The following KLRG1 variants were observed in gnomAD, a reference collection of about 807,000 sequenced individuals.
KLRG1 encodes the protein killer cell lectin like receptor G1.
KLRG1 carries 16 observed loss-of-function variants against 21.8 expected under a neutral mutation model. The ratio of observed to expected loss-of-function variants is 0.73; its 90% CI spans 0.50 to 1.11. The LOEUF is 1.11. Among genes scored for constraint, KLRG1 ranks in the 50% most tolerant of loss-of-function variants. KLRG1 has a pLI of 0.00. For missense variants in KLRG1, 173 were observed against 218.3 expected (o/e 0.79, Z 1.31); for synonymous variants, 69 against 75.9 (o/e 0.91, Z 0.47).
chr12:9,048,273 T>C, the KLRG1 span, among the ~76,000 whole-genome samples: 1 of 152,136 alleles, frequency 6.6e-6, no homozygotes, highest in African/African-American at 2.4e-5. Context: ...AAATGACATA[T>C]AGGCCCAAGA....
At chr12:8,959,976 C>G (rs186278919) in intron 1 of KLRG1, among the ~76,000 whole-genome samples, 1 of 152,138 alleles carries the variant, frequency 6.6e-6, no homozygotes, top group Non-Finnish European at 1.5e-5. Flanking sequence ...AGTTTAATAT[C>G]TATTTTCAGA....
At chr12:9,149,262 G>A in the KLRG1 span, among the ~76,000 whole-genome samples, 3 of 152,238 alleles carry the variant, frequency 2.0e-5, no homozygotes, top group Non-Finnish European at 4.4e-5. Flanking sequence ...TTTTAGGTGT[G>A]TGATTAGTTG....
chr12:9,203,310 G>A, the KLRG1 span, among the ~76,000 whole-genome samples: 1 of 145,980 alleles, frequency 6.9e-6, no homozygotes, highest in Non-Finnish European at 1.5e-5. Flanking sequence ...ACTATTTTTA[G>A]TCCTTTCTGA....
the KLRG1 span, among the ~76,000 whole-genome samples, chr12:9,163,138 G>A: frequency 6.6e-6 from 1 of 152,008 alleles, no homozygotes; most frequent in African/African-American, 2.4e-5. Context: ...AAGCTAATGG[G>A]TATGAGAGAT....
intron 3 of KLRG1, among the ~76,000 whole-genome samples, chr12:9,000,797 T>G (rs1947284367): frequency 6.6e-6 from 1 of 152,234 alleles, no homozygotes; most frequent in African/African-American, 2.4e-5. Context: ...ACCTTTTGAC[T>G]GTTGAGAGTA....
chr12:9,092,366 G>C, the KLRG1 span, among the ~76,000 whole-genome samples: 5 of 152,168 alleles, frequency 3.3e-5, no homozygotes, highest in African/African-American at 1.2e-4. Flanking sequence ...AGTGAACACA[G>C]AGGTGGTTTT....
chr12:9,203,628 A>C, the KLRG1 span: 1 of 980,260 alleles, frequency 1.0e-6, no homozygotes, highest in Admixed American at 2.7e-5. Context: ...GGCGTGAGCC[A>C]CCGCACCTGG....
chr12:9,175,511 T>G, the KLRG1 span, among the ~76,000 whole-genome samples: 9 of 152,012 alleles, frequency 5.9e-5, no homozygotes, highest in Middle Eastern at 3.2e-3. Context: ...GAACTATCAT[T>G]AGAGTGAACA....
intron 1 of KLRG1, among the ~76,000 whole-genome samples, chr12:8,967,241 C>T (rs1020540185): frequency 3.3e-5 from 5 of 150,600 alleles, no homozygotes; most frequent in Non-Finnish European, 7.4e-5. Flanking sequence ...TGCTAAATGA[C>T]GATTTAATGG....
At chr12:9,116,320 C>G in the KLRG1 span, 1 of 210,172 alleles carries the variant, frequency 4.8e-6, no homozygotes, top group Non-Finnish European at 9.8e-6. Flanking sequence ...TGCAAGTTCT[C>G]CATTAGATAT....
At chr12:9,178,637 C>T in the KLRG1 span, among the ~76,000 whole-genome samples, 14 of 152,196 alleles carry the variant, frequency 9.2e-5, no homozygotes, top group Non-Finnish European at 5.9e-5. Flanking sequence ...TTTGCTGTCA[C>T]ATCTCAAACT....
chr12:8,963,164 T>C (rs2137223897), intron 1 of KLRG1, among the ~76,000 whole-genome samples: 1 of 152,318 alleles, frequency 6.6e-6, no homozygotes. Context: ...AACCTAGAGT[T>C]CTATGCATTC....
downstream of KLRG1, among the ~76,000 whole-genome samples, chr12:9,015,668 A>G (rs921328992): frequency 6.6e-6 from 1 of 152,210 alleles, no homozygotes; most frequent in African/African-American, 2.4e-5. Flanking sequence ...GACCTAATAG[A>G]TATTTACAGA....
chr12:9,181,986 G>A, the KLRG1 span: 3 of 1,613,536 alleles, frequency 1.9e-6, no homozygotes, highest in South Asian at 3.3e-5. Context: ...TTGTTGGCTA[G>A]ACAGTTTTCA....
the KLRG1 span, among the ~76,000 whole-genome samples, chr12:9,174,293 A>G: frequency 6.6e-6 from 1 of 152,120 alleles, no homozygotes; most frequent in Non-Finnish European, 1.5e-5. Context: ...TATGTTAAAA[A>G]CTCTCAATAA....
the KLRG1 span, among the ~76,000 whole-genome samples, chr12:9,188,859 C>T: frequency 3.0e-4 from 45 of 152,032 alleles, no homozygotes; most frequent in South Asian, 7.3e-3. Flanking sequence ...TATAAAACAC[C>T]GCTCAAAGAA....
the KLRG1 span, among the ~76,000 whole-genome samples, chr12:9,085,181 C>G: frequency 6.6e-6 from 1 of 151,906 alleles, no homozygotes; most frequent in Non-Finnish European, 1.5e-5. Context: ...TCAAATAGAC[C>G]TAATGGATAC....
intron 1 of KLRG1, among the ~76,000 whole-genome samples, chr12:8,953,160 A>T (rs947107399): frequency 3.3e-5 from 5 of 152,058 alleles, no homozygotes; most frequent in African/African-American, 1.2e-4. Flanking sequence ...GAATGAGGAT[A>T]TGCTGACAAT....
chr12:9,079,081 G>T, the KLRG1 span, among the ~76,000 whole-genome samples: 1 of 151,378 alleles, frequency 6.6e-6, no homozygotes, highest in African/African-American at 2.4e-5. Context: ...TGGATATCAG[G>T]TTTTCTTCTG....
Sources: gnomAD v4.1 joint callset for allele counts (sites outside exome capture counted in the v4.1 genomes callset) on GRCh38, gnomAD v4.1.1 for gene constraint, MANE v1.5 for transcripts, NCBI Gene and HGNC (gene_info 2026-07-23, HGNC 2026-07-21) for gene names.